The following ADGRL4 variants were observed in gnomAD, a reference collection of about 807,000 sequenced individuals.
The protein encoded by ADGRL4 is EGF, latrophilin and seven transmembrane domain containing 1.
In ADGRL4, 90 loss-of-function variants were observed where a neutral mutation model predicts 74.8. That is an observed-to-expected ratio of 1.20 (90% CI 1.02 to 1.43). The LOEUF is 1.43. ADGRL4 is among the 40% of genes most tolerant of loss of function. The pLI, the probability that ADGRL4 is intolerant of heterozygous loss-of-function variation, is 0.00. For synonymous variants in ADGRL4, 311 were observed against 279.2 expected, an observed-to-expected ratio of 1.11 and a Z score of -1.14; for missense variants, 881 against 814.3, an observed-to-expected ratio of 1.08 and a Z score of -1.00.
chr1:78,961,796 T>C (rs1178006568), intron 2 of ADGRL4, among the ~76,000 whole-genome samples: 1 of 152,118 alleles, frequency 6.6e-6, no homozygotes, highest in Non-Finnish European at 1.5e-5. Context: ...ATATAGAACC[T>C]TTGTTACCTT....
chr1:78,973,250 T>C (rs578141810), intron 2 of ADGRL4, among the ~76,000 whole-genome samples: 1 of 152,180 alleles, frequency 6.6e-6, no homozygotes, highest in African/African-American at 2.4e-5. Flanking sequence ...TATAACAGAG[T>C]AAATGTCTGG....
At chr1:78,972,675 T>C (rs1034865450) in intron 2 of ADGRL4, among the ~76,000 whole-genome samples, 1 of 152,216 alleles carries the variant, frequency 6.6e-6, no homozygotes, top group Non-Finnish European at 1.5e-5. Flanking sequence ...ATGAATCTGC[T>C]TATTGCCGAA....
chr1:78,950,203 A>T (rs1649692419), intron 2 of ADGRL4, among the ~76,000 whole-genome samples: 1 of 152,176 alleles, frequency 6.6e-6, no homozygotes, highest in African/African-American at 2.4e-5. Flanking sequence ...AAGTATAAGC[A>T]AGAGTTTAGA....
intron 2 of ADGRL4, among the ~76,000 whole-genome samples, chr1:78,991,391 C>T (rs995892591): frequency 2.0e-5 from 3 of 152,124 alleles, no homozygotes; most frequent in South Asian, 2.1e-4. Flanking sequence ...TCACAATTTG[C>T]TTTAAGTATC....
intron 12 of ADGRL4, among the ~76,000 whole-genome samples, chr1:78,895,168 T>TA (rs1281492702): frequency 6.6e-6 from 1 of 152,020 alleles, no homozygotes; most frequent in Non-Finnish European, 1.5e-5. Flanking sequence ...GAAAACAGAT[T>TA]AAAACATGTT....
Position 78,917,948 on chromosome 1 carries a change from C to G in ADGRL4, c.1564G>C (p.Val522Leu). The change falls in exon 11 of 15, where the codon GTC becomes CTC. Residue 522 changes from valine (V) to leucine (L), a missense_variant. By Grantham distance (32) the Val-to-Leu change is conservative. Coordinates refer to ENST00000370742, the MANE Select transcript of ADGRL4 (RefSeq NM_022159.4). ...GIHLYLIVVG[V>L]IYNKGFLHKN... Reference sequence around the variant, plus strand: ...TGCAAAAATCCCTTGTTGTAGATGACACCCACAACAATGAGATAGAGATGT... The same window carrying G: ...TGCAAAAATCCCTTGTTGTAGATGAGACCCACAACAATGAGATAGAGATGT... 5 of 1,612,466 alleles carry G rather than the reference C, an allele frequency of 3.1e-6. No homozygotes were observed. In the Admixed American group the frequency reaches 8.4e-5, roughly 27 times the overall value.
Position 78,926,891 on chromosome 1 carries a change from G to A in ADGRL4, c.1078C>T (p.Arg360Ter), listed in dbSNP as rs767685899. The A allele has an allele frequency of 9.9e-6, 16 of 1,609,266 alleles. No homozygotes were observed. The highest frequency in any genetic ancestry group is 6.7e-5 in the East Asian group (3 of 44,622). Residue 360 changes from arginine (R) to a stop codon, truncating the protein, a stop_gained, in exon 8 of 15, where the codon CGA (arginine) becomes TGA (stop). Transcript: ENST00000370742. LOFTEE classifies it high-confidence loss of function. ...LEKITFTLSH[R>*]KVTDRYRSLC... ...CTACCAGAAAAACAGCTTACCTTTC[G>A]ATGACTTAATGTAAATGTTATTTTT...
intron 6 of ADGRL4, among the ~76,000 whole-genome samples, 184 bp from the exon 7 acceptor site, chr1:78,936,595 T>G (rs1208131178): frequency 6.6e-6 from 1 of 152,168 alleles, no homozygotes; most frequent in Non-Finnish European, 1.5e-5. Flanking sequence ...TGACTCAAGT[T>G]TTAATTTTTT....
intron 2 of ADGRL4, among the ~76,000 whole-genome samples, chr1:78,989,810 G>A (rs1417170815): frequency 2.0e-5 from 3 of 151,872 alleles, no homozygotes; most frequent in Non-Finnish European, 4.4e-5. Flanking sequence ...TATATGGCTG[G>A]GGTTATAACT....
At chr1:78,956,987 CACA>C (rs1393893030) in intron 2 of ADGRL4, among the ~76,000 whole-genome samples, 1 of 152,148 alleles carries the variant, frequency 6.6e-6, no homozygotes, top group Non-Finnish European at 1.5e-5. Context: ...TGGCAATTCT[CACA>C]ACACTTCAGA....
intron 2 of ADGRL4, among the ~76,000 whole-genome samples, chr1:79,004,538 T>G (rs1368344068): frequency 6.6e-6 from 1 of 152,160 alleles, no homozygotes; most frequent in Non-Finnish European, 1.5e-5. Flanking sequence ...TATAATCTAC[T>G]TTTTCAAAAG....
chr1:78,959,892 T>C (rs1345385162), intron 2 of ADGRL4, among the ~76,000 whole-genome samples: 3 of 152,206 alleles, frequency 2.0e-5, no homozygotes, highest in Admixed American at 1.3e-4. Flanking sequence ...TTCAGAGTTC[T>C]ATCAAAAGTT....
intron 12 of ADGRL4, among the ~76,000 whole-genome samples, chr1:78,908,688 T>A (rs1648694132): frequency 6.6e-6 from 1 of 151,982 alleles, no homozygotes; most frequent in African/African-American, 2.4e-5. Flanking sequence ...TTTCATCATA[T>A]CATTATGTAA....
rs772287587 is a variant in ADGRL4 at position 78,946,279 on chromosome 1, C to T, written c.320G>A (p.Cys107Tyr). Reference sequence around the variant, plus strand: ...ACTTAGATAACCGAACTTACCTATACAGACGGTTCCATCATTAGTGATAAA... The same window carrying T: ...ACTTAGATAACCGAACTTACCTATATAGACGGTTCCATCATTAGTGATAAA... ...DRFITNDGTVCIENVNANCHL... is the reference protein window; with the variant it reads ...DRFITNDGTVYIENVNANCHL... The change falls in exon 3 of 15, where the codon TGT becomes TAT. Residue 107 changes from cysteine (C) to tyrosine (Y), a missense_variant. Cys to Tyr is a radical substitution (Grantham distance 194). Transcript: ENST00000370742. 1 of 1,609,960 alleles carries T rather than the reference C, an allele frequency of 6.2e-7. No homozygotes were observed. The highest frequency in any genetic ancestry group is 1.1e-5 in the South Asian group (1 of 90,344).
intron 2 of ADGRL4, among the ~76,000 whole-genome samples, chr1:78,987,993 T>G (rs1193128646): frequency 9.2e-6 from 1 of 108,728 alleles, no homozygotes; most frequent in Non-Finnish European, 2.1e-5. Flanking sequence ...AAATAGCCAC[T>G]GCATTTTTTT....
At chr1:79,001,689 T>C (rs1460161995) in intron 2 of ADGRL4, among the ~76,000 whole-genome samples, 1 of 152,126 alleles carries the variant, frequency 6.6e-6, no homozygotes, top group Non-Finnish European at 1.5e-5. Context: ...AAAAATAAGC[T>C]GACAGACCAT....
Position 78,893,082 on chromosome 1 carries a change from T to C in ADGRL4, c.1841+16A>G. The C allele has an allele frequency of 2.2e-6, 3 of 1,344,610 alleles. No homozygotes were observed. The highest frequency in any genetic ancestry group is 3.0e-6 in the Non-Finnish European group (3 of 997,336). 83.3% of individuals were successfully genotyped at this position (1,344,610 alleles called of 1,614,324 possible). ...CCAAAAAAAAAAAAAAAAAGTGAAC[T>C]TAAAGACGCATTTACCTTATGTTCT... On this transcript the variant is annotated intron_variant, in intron 13 of 14. Transcript: ENST00000370742.
chr1:78,935,671 T>A (rs956490353), intron 7 of ADGRL4, among the ~76,000 whole-genome samples: 1 of 152,112 alleles, frequency 6.6e-6, no homozygotes, highest in Non-Finnish European at 1.5e-5. Context: ...GACTTTGCTG[T>A]ATAAGGAGTA....
intron 2 of ADGRL4, among the ~76,000 whole-genome samples, chr1:78,969,277 G>A (rs1053205465): frequency 2.0e-5 from 3 of 152,166 alleles, no homozygotes; most frequent in South Asian, 2.1e-4. Flanking sequence ...GGACACAACT[G>A]TAGAAACTCG....
Sources: gnomAD v4.1 joint callset for allele counts (sites outside exome capture counted in the v4.1 genomes callset) on GRCh38, gnomAD v4.1.1 for gene constraint, MANE v1.5 for transcripts, NCBI Gene and HGNC (gene_info 2026-07-23, HGNC 2026-07-21) for gene names.